TSNARE1: variants seen among roughly 807,000 people sequenced by gnomAD.
TSNARE1 encodes the protein t-SNARE domain containing 1, also known as t-SNARE domain-containing protein 1.
A neutral mutation model predicts 62.0 loss-of-function variants in TSNARE1; 49 were observed. The ratio of observed to expected loss-of-function variants is 0.79; its 90% CI spans 0.63 to 1.00. The LOEUF is 1.00. Among genes scored for constraint, TSNARE1 ranks in the 50% least tolerant of loss-of-function variants. The probability of loss-of-function intolerance (pLI) is 0.00; values close to 1 mark genes in which losing one functional copy is unlikely to be tolerated. For missense variants in TSNARE1, 755 were observed against 700.1 expected (o/e 1.08, Z -0.88); for synonymous variants, 328 against 294.4 (o/e 1.11, Z -1.17).
intron 4 of TSNARE1, among the ~76,000 whole-genome samples, chr8:142,336,162 T>C (rs1314912248): frequency 1.3e-5 from 2 of 151,754 alleles, no homozygotes; most frequent in Admixed American, 1.3e-4. Context: ...ACACCTGCAG[T>C]CTCAGCTACT....
chr8:142,347,122 G>C (rs555057272), intron 2 of TSNARE1, among the ~76,000 whole-genome samples: 1 of 152,354 alleles, frequency 6.6e-6, no homozygotes, highest in African/African-American at 2.4e-5. Context: ...CTGGTGGGGG[G>C]AAGAGGGAGA....
rs554462661 is a variant in TSNARE1, at chr8:142,347,250, G to A, written c.89-1358C>T. Among the ~76,000 whole-genome samples, 346 of 152,368 alleles carry A rather than the reference G, an allele frequency of 2.3e-3. 1 individual carries two copies. The highest frequency in any genetic ancestry group is 4.0e-3 in the Non-Finnish European group (271 of 68,042). On this transcript the variant is annotated intron_variant, in intron 2 of 13. Transcript: ENST00000524325. Reference sequence around the variant, plus strand: ...AGAAGACAACCCTCTGGAGGGGATGGAGAGGGAGCAGCCGCAGCCTGGAGA... The same window carrying A: ...AGAAGACAACCCTCTGGAGGGGATGAAGAGGGAGCAGCCGCAGCCTGGAGA...
chr8:142,283,827 C>T (rs1048421946), intron 11 of TSNARE1, among the ~76,000 whole-genome samples: 1 of 132,478 alleles, frequency 7.5e-6, no homozygotes, highest in Non-Finnish European at 1.7e-5. Context: ...GGGCCAGTGT[C>T]TGTCAATGAG....
At chr8:142,365,595 T>G (rs891048945) in intron 1 of TSNARE1, among the ~76,000 whole-genome samples, 1 of 105,386 alleles carries the variant, frequency 9.5e-6, no homozygotes, top group African/African-American at 4.2e-5. Context: ...CATAAACACA[T>G]GCACACGCAC....
At chr8:142,281,952 G>A (rs907038070) in intron 11 of TSNARE1, among the ~76,000 whole-genome samples, 6 of 152,202 alleles carry the variant, frequency 3.9e-5, no homozygotes, top group Non-Finnish European at 7.3e-5. Flanking sequence ...CTTCTCCTGG[G>A]GACTCAGAGG....
chr8:142,337,277 G>A (rs999974881), intron 4 of TSNARE1, among the ~76,000 whole-genome samples: 4 of 152,066 alleles, frequency 2.6e-5, no homozygotes, highest in Non-Finnish European at 5.9e-5. Context: ...AATTAATTGG[G>A]CATATCTTTA....
intron 9 of TSNARE1, among the ~76,000 whole-genome samples, chr8:142,305,543 G>A (rs1255182947): frequency 6.6e-6 from 1 of 152,172 alleles, no homozygotes; most frequent in African/African-American, 2.4e-5. Context: ...CCTCCACAGC[G>A]GGAGGATCGG....
intron 11 of TSNARE1, chr8:142,278,560 G>A (rs972773135): frequency 3.0e-6 from 3 of 985,298 alleles, no homozygotes; most frequent in African/African-American, 1.7e-5. Context: ...TCTTGAGGAG[G>A]AGAGGAGGTG....
chr8:142,249,329 A>C (rs993242807), intron 12 of TSNARE1, among the ~76,000 whole-genome samples: 1 of 152,112 alleles, frequency 6.6e-6, no homozygotes, highest in Non-Finnish European at 1.5e-5. Flanking sequence ...GGCAGCCGGC[A>C]AGGAACAGGA....
intron 11 of TSNARE1, chr8:142,277,419 C>T (rs901905924): frequency 1.7e-5 from 17 of 985,306 alleles, no homozygotes; most frequent in Admixed American, 1.2e-4. Context: ...CAACTCGCTG[C>T]CCCCAGCCCC....
chr8:142,230,784 CCATCCATCCATCCATCCATCCACCCACT>C (rs1364811256), intron 12 of TSNARE1, among the ~76,000 whole-genome samples: 1 of 151,686 alleles, frequency 6.6e-6, no homozygotes. Context: ...ATCCATCCAT[CCATCCATCCATCCATCCATCCACCCACT>C]CATCCATCCA....
rs185911262 is a variant in TSNARE1, at chr8:142,244,638, G to A, written c.1447-15059C>T. ...GATTCTAAAATACGTATGGAAGAGCGAGGGCCAACGTCCCCAAGACACTCC... is the reference window on the plus strand; with the variant it reads ...GATTCTAAAATACGTATGGAAGAGCAAGGGCCAACGTCCCCAAGACACTCC... On this transcript the variant is annotated intron_variant, in intron 12 of 13. Transcript: ENST00000524325. Among the ~76,000 whole-genome samples the A allele has an allele frequency of 1.8e-4, 28 of 152,354 alleles. No individual in the cohort carries two copies. The East Asian group carries it at 3.9e-3, about 21-fold the overall frequency.
At chr8:142,330,996 G>A (rs1830949530) in intron 5 of TSNARE1, 26 bp from the exon 6 acceptor site, 1 of 1,610,232 alleles carries the variant, frequency 6.2e-7, no homozygotes, top group Admixed American at 1.7e-5. Context: ...GGGACAGGGT[G>A]AGGGCAGAAG....
intron 12 of TSNARE1, among the ~76,000 whole-genome samples, chr8:142,258,477 C>CTTTT (rs56675860): frequency 3.7e-5 from 4 of 107,260 alleles, no homozygotes; most frequent in Non-Finnish European, 5.4e-5. Context: ...AGAACTTGTG[C>CTTTT]TTTTTTTTTT....
intron 11 of TSNARE1, among the ~76,000 whole-genome samples, chr8:142,279,185 C>T (rs1380548303): frequency 6.6e-6 from 1 of 152,230 alleles, no homozygotes; most frequent in Non-Finnish European, 1.5e-5. Context: ...CTTCTCCCTG[C>T]TGGGACCCAC....
At chr8:142,323,536 C>A (rs1477025335) in intron 6 of TSNARE1, among the ~76,000 whole-genome samples, 1 of 152,230 alleles carries the variant, frequency 6.6e-6, no homozygotes, top group Non-Finnish European at 1.5e-5. Context: ...GGCAACGGGG[C>A]AGCAAGGCCA....
At position 142,378,914 on chromosome 8, in the gene TSNARE1, C is replaced by T. The variant is rs572712941; in HGVS notation, c.-39-24151G>A. Among the ~76,000 whole-genome samples the T allele has an allele frequency of 2.0e-5, 3 of 152,284 alleles. No homozygotes were observed. In the East Asian group the frequency reaches 5.8e-4, roughly 29 times the overall value. On this transcript the variant is annotated intron_variant, in intron 1 of 13. Transcript: ENST00000524325. ...TGAGCTCCTCTGAGGCCCCGGGTGG[C>T]GCACCCTTCAACACCCAGGGCTGGC...
At chr8:142,390,175 C>G (rs193241329) in intron 1 of TSNARE1, among the ~76,000 whole-genome samples, 3 of 152,336 alleles carry the variant, frequency 2.0e-5, no homozygotes, top group Admixed American at 1.3e-4. Context: ...TGCCTGCGTG[C>G]GTCAGGGAGT....
chr8:142,370,530 C>T (rs1384693264), intron 1 of TSNARE1, among the ~76,000 whole-genome samples: 1 of 152,068 alleles, frequency 6.6e-6, no homozygotes, highest in Non-Finnish European at 1.5e-5. Context: ...CAAGCACCAC[C>T]GCACTCCAGC....
Sources: allele counts gnomAD v4.1 joint callset (sites outside exome capture counted in the v4.1 genomes callset), GRCh38; gene constraint gnomAD v4.1.1; transcripts MANE v1.5; gene names NCBI Gene and HGNC (gene_info 2026-07-23, HGNC 2026-07-21).